Variants in PCDHGA10 observed in about 807,000 individuals in gnomAD.
PCDHGA10 encodes the protein protocadherin gamma subfamily A, 10.
In PCDHGA10, 42 loss-of-function variants were observed where a neutral mutation model predicts 59.5. The ratio of observed to expected loss-of-function variants is 0.71; its 90% CI spans 0.55 to 0.91. The LOEUF (loss-of-function observed/expected upper bound fraction) is 0.91. PCDHGA10 is among the 40% of genes least tolerant of loss of function. The pLI is 0.00. For missense variants in PCDHGA10, 1,111 were observed against 1,198.2 expected, an observed-to-expected ratio of 0.93 and a Z score of 1.07; for synonymous variants, 511 against 517.2, an observed-to-expected ratio of 0.99 and a Z score of 0.16.
At chr5:141,417,340 C>T (rs981474163) in intron 1 of PCDHGA10, 2 of 152,874 alleles carry the variant, frequency 1.3e-5, no homozygotes, top group African/African-American at 4.8e-5. Context: ...GATAGGAGAC[C>T]TATAAACCTT....
intron 1 of PCDHGA10, chr5:141,441,551 T>C (rs2098254450): frequency 5.4e-6 from 1 of 184,050 alleles, no homozygotes; most frequent in African/African-American, 2.4e-5. Flanking sequence ...GCCTCCATAG[T>C]GTGCAAGTAG....
At chr5:141,507,380 C>G (rs984406173) in intron 3 of PCDHGA10, 1 of 151,954 alleles carries the variant, frequency 6.6e-6, no homozygotes, top group African/African-American at 2.4e-5. Flanking sequence ...CTTTTATTTA[C>G]TAAATCTGGC....
At chr5:141,430,874 C>A in intron 1 of PCDHGA10, 2 of 1,598,990 alleles carry the variant, frequency 1.3e-6, no homozygotes, top group East Asian at 4.5e-5. Context: ...TCCGGAAGAG[C>A]TGGAGAAAGG....
chr5:141,424,799 A>G (rs552155487), intron 1 of PCDHGA10: 90 of 152,274 alleles, frequency 5.9e-4, no homozygotes, highest in African/African-American at 2.1e-3. Context: ...ATTCAGACCA[A>G]CTTGTTATTG....
Position 141,511,065 on chromosome 5 carries a change from C to T in PCDHGA10, c.2703C>T (p.Ile901=). Residue 901 remains isoleucine, a synonymous_variant, in exon 4 of 4, where the codon ATC becomes ATT. Transcript: ENST00000398610. ...HVPDYRQNVY[I]PGSNATLTNA... ...CCGACTACCGCCAGAATGTCTACATCCCAGGCAGCAATGCCACACTGACCA... is the reference window on the plus strand; with the variant it reads ...CCGACTACCGCCAGAATGTCTACATTCCAGGCAGCAATGCCACACTGACCA... The T allele has an allele frequency of 6.2e-7, 1 of 1,614,222 alleles. No individual in the cohort carries two copies. Among genetic ancestry groups the T allele is most frequent in the Middle Eastern group, 1.6e-4 (1 of 6,062 alleles).
chr5:141,428,561 A>G (rs879118525), intron 1 of PCDHGA10: 16 of 238,202 alleles, frequency 6.7e-5, no homozygotes, highest in South Asian at 5.9e-4. Context: ...GTCCCCCCAC[A>G]AGATCTTTCT....
intron 1 of PCDHGA10, among the ~76,000 whole-genome samples, chr5:141,472,980 C>CAAAAAAAAAAAAAAAAAGAAAAAA (rs2099309731): frequency 2.3e-5 from 2 of 86,106 alleles, no homozygotes; most frequent in Non-Finnish European, 5.0e-5. Flanking sequence ...GAGTGAAACT[C>CAAAAAAAAAAAAAAAAAGAAAAAA]AAAAAAAAAA....
At chr5:141,449,566 G>A (rs1235137244) in intron 1 of PCDHGA10, among the ~76,000 whole-genome samples, 4 of 147,126 alleles carry the variant, frequency 2.7e-5, no homozygotes, top group East Asian at 4.0e-4. Context: ...TCCAGCCTGG[G>A]CGACAGAGCA....
intron 1 of PCDHGA10, among the ~76,000 whole-genome samples, chr5:141,456,842 A>G (rs1374546355): frequency 6.6e-6 from 1 of 152,150 alleles, no homozygotes; most frequent in African/African-American, 2.4e-5. Flanking sequence ...GGGCGCCTGT[A>G]ATCCCAGCTA....
In PCDHGA10 at chr5:141,415,001, C is replaced by G. The variant is rs1326591845; in HGVS notation, c.1826C>G (p.Ser609Cys). Residue 609 changes from serine to cysteine, a missense_variant, in exon 1 of 4, where the codon TCC becomes TGC. Ser to Cys is a moderately radical substitution (Grantham distance 112). Transcript: ENST00000398610. ...GACTCCGGCCAGAACGCCTGGCTGT[C>G]CTACCGTCTGCTCAAGGCCAGCGAG... ...DRDSGQNAWL[S>C]YRLLKASEPG... 2 of 1,613,712 alleles carry G rather than the reference C, an allele frequency of 1.2e-6. No homozygotes were observed. Among genetic ancestry groups the G allele is most frequent in the Non-Finnish European group, 1.7e-6 (2 of 1,180,032 alleles).
At chr5:141,420,228 G>C (rs750839002) in intron 1 of PCDHGA10, 3 of 1,603,310 alleles carry the variant, frequency 1.9e-6, no homozygotes, top group Non-Finnish European at 2.6e-6. Flanking sequence ...CTACTGGCTA[G>C]CATTTTAACT....
rs1561858566 is a variant in PCDHGA10 at position 141,432,177 on chromosome 5, C to G, written c.2436+16566C>G. ...AATCCCAGAGGAGTTTCCCTCGTCTCTGTGACCGCCCACGACCCCGACTGT... is the reference window on the plus strand; with the variant it reads ...AATCCCAGAGGAGTTTCCCTCGTCTGTGTGACCGCCCACGACCCCGACTGT... On this transcript the variant is annotated intron_variant, in intron 1 of 3. Transcript: ENST00000398610. This position sits in a 1 kb window ranked among gnomAD's most constrained non-coding sequence, Gnocchi z 6.0. The G allele has an allele frequency of 6.2e-7, 1 of 1,614,220 alleles. No homozygotes were observed. Among genetic ancestry groups the G allele is most frequent in the Admixed American group, 1.7e-5 (1 of 60,032 alleles).
At chr5:141,420,634 G>A (rs891111955) in intron 1 of PCDHGA10, among the ~76,000 whole-genome samples, 2 of 152,080 alleles carry the variant, frequency 1.3e-5, no homozygotes, top group African/African-American at 4.8e-5. Context: ...CTCAATAAAG[G>A]AACCTTGTAA....
intron 1 of PCDHGA10, among the ~76,000 whole-genome samples, chr5:141,482,079 C>A (rs2099551704): frequency 8.4e-6 from 1 of 119,308 alleles, no homozygotes; most frequent in African/African-American, 3.8e-5. Context: ...GAACAAAACT[C>A]ACTCCATCTC....
chr5:141,451,326 G>T (rs189445228), intron 1 of PCDHGA10, among the ~76,000 whole-genome samples: 3 of 152,278 alleles, frequency 2.0e-5, no homozygotes, highest in Admixed American at 2.0e-4. Context: ...GTCACCTAAG[G>T]CTATTGTCTT....
At chr5:141,420,413 A>T in intron 1 of PCDHGA10, 1 of 1,222,396 alleles carries the variant, frequency 8.2e-7, no homozygotes, top group Non-Finnish European at 1.1e-6. Context: ...GGTTATCATT[A>T]TTAAAACAAA....
chr5:141,491,513 A>C lies in PCDHGA10; in HGVS notation c.2437-3294A>C, dbSNP rs1163218369. On this transcript the variant is annotated intron_variant, in intron 1 of 3. Coordinates refer to ENST00000398610, the MANE Select transcript of PCDHGA10 (RefSeq NM_018913.3). The surrounding 1 kb of genome is among the most constrained non-coding windows in gnomAD (Gnocchi z 6.9). ...CAGGTGAGCTCGGACGGCACGCTCAAGTACATGGAGGTGACGCTGCGGCCC... is the reference window on the plus strand; with the variant it reads ...CAGGTGAGCTCGGACGGCACGCTCACGTACATGGAGGTGACGCTGCGGCCC... The C allele has an allele frequency of 6.2e-7, 1 of 1,613,934 alleles. No individual in the cohort carries two copies. Among genetic ancestry groups the C allele is most frequent in the East Asian group, 2.2e-5 (1 of 44,888 alleles).
At chr5:141,478,755 A>G in intron 1 of PCDHGA10, 1 of 1,519,784 alleles carries the variant, frequency 6.6e-7, no homozygotes, top group South Asian at 1.3e-5. Flanking sequence ...TTCAGGGGGA[A>G]GATACTTGAC....
At chr5:141,426,334 C>T (rs551131722) in intron 1 of PCDHGA10, 1 of 186,734 alleles carries the variant, frequency 5.4e-6, no homozygotes, top group South Asian at 1.1e-4. Flanking sequence ...GTGGCAAGCA[C>T]TCTTCCCTTT....
Sources: gnomAD v4.1 joint callset for allele counts (sites outside exome capture counted in the v4.1 genomes callset) on GRCh38, gnomAD v4.1.1 for gene constraint, Gnocchi (gnomAD v3.1) non-coding constraint, MANE v1.5 for transcripts, NCBI Gene and HGNC (gene_info 2026-07-23, HGNC 2026-07-21) for gene names.